LDB2: variants seen among roughly 807,000 people sequenced by gnomAD.
LDB2 encodes LIM domain-binding protein 2.
LDB2 carries 12 observed loss-of-function variants against 44.3 expected under a neutral mutation model. That is an observed-to-expected ratio of 0.27 (90% CI 0.17 to 0.44). LDB2 has a LOEUF of 0.44. Ranked by LOEUF, LDB2 falls within the 20% of genes least tolerant of loss-of-function variation. The pLI, the probability that LDB2 is intolerant of heterozygous loss-of-function variation, is 1.00. For synonymous variants in LDB2, 164 were observed against 174.8 expected (o/e 0.94, Z 0.49); for missense variants, 344 against 473.5 (o/e 0.73, Z 2.54).
intron 1 of LDB2, among the ~76,000 whole-genome samples, chr4:16,879,471 A>G (rs1222174181): frequency 6.6e-6 from 1 of 152,188 alleles, no homozygotes; most frequent in East Asian, 1.9e-4. Context: ...GGTGGGCACC[A>G]TTCAATCTAT....
chr4:16,574,334 T>C (rs1009564974), intron 5 of LDB2, among the ~76,000 whole-genome samples: 1 of 152,308 alleles, frequency 6.6e-6, no homozygotes. Flanking sequence ...TGATTATACA[T>C]ATGTGATAAC....
In LDB2 at chr4:16,595,822, C is replaced by T. The variant is rs956785572; in HGVS notation, c.289G>A (p.Val97Met). The T allele has an allele frequency of 3.1e-6, 5 of 1,613,454 alleles. No individual in the cohort carries two copies. The highest frequency in any genetic ancestry group is 1.3e-5 in the African/African-American group (1 of 74,810). Residue 97 changes from valine (V) to methionine (M), a missense_variant, in exon 3 of 8, where the codon GTG becomes ATG. Physicochemically the swap from Val to Met is conservative, Grantham distance 21. This residue lies in a region of LDB2 where 226 missense variants were observed against 270.1 expected (regional missense o/e 0.84). Coordinates refer to ENST00000304523, the MANE Select transcript of LDB2 (RefSeq NM_001290.5). ...TTGAGAATGTAATACAGGTCGGTCA[C>T]CCCTCCTTCAAACACAGTGCTAAAG... is the stretch of plus-strand genomic sequence containing the variant. Reference protein sequence around the residue: ...RYFSTVFEGGVTDLYYILKHS... With the variant: ...RYFSTVFEGGMTDLYYILKHS...
intron 2 of LDB2, among the ~76,000 whole-genome samples, chr4:16,657,139 C>T (rs1740101421): frequency 6.6e-6 from 1 of 152,062 alleles, no homozygotes; most frequent in Non-Finnish European, 1.5e-5. Context: ...ATATTTTCAG[C>T]AAAAACAGTA....
chr4:16,705,113 C>G (rs1390819267), intron 2 of LDB2, among the ~76,000 whole-genome samples: 1 of 151,190 alleles, frequency 6.6e-6, no homozygotes, highest in Admixed American at 6.6e-5. Context: ...ATACATAATC[C>G]TTTCATAGTT....
At chr4:16,551,123 G>T (rs1400845755) in intron 5 of LDB2, among the ~76,000 whole-genome samples, 4 of 152,150 alleles carry the variant, frequency 2.6e-5, no homozygotes, top group Non-Finnish European at 5.9e-5. Flanking sequence ...GCAAGTAATG[G>T]TAATTATAAG....
At chr4:16,784,515 T>C (rs207698) in intron 1 of LDB2, among the ~76,000 whole-genome samples, 116,536 of 152,014 alleles carry the variant, frequency 0.77, 47,153 homozygotes, top group South Asian at 0.92. Context: ...CAGATATTTT[T>C]CCTCTTCCCC....
chr4:16,878,881 T>C (rs966005905), intron 1 of LDB2, among the ~76,000 whole-genome samples: 36 of 152,240 alleles, frequency 2.4e-4, no homozygotes, highest in African/African-American at 8.7e-4. Flanking sequence ...CTAACCACTA[T>C]TGCCACCAAT....
At chr4:16,888,743 C>G in intron 1 of LDB2, 1 of 980,208 alleles carries the variant, frequency 1.0e-6, no homozygotes, top group Non-Finnish European at 1.2e-6. Flanking sequence ...CATCATAGTT[C>G]CCAATGATGT....
intron 2 of LDB2, among the ~76,000 whole-genome samples, chr4:16,598,724 AT>A (rs1241681037): frequency 6.6e-6 from 1 of 152,122 alleles, no homozygotes; most frequent in Non-Finnish European, 1.5e-5. Flanking sequence ...TCATGGAAAT[AT>A]AGGAGCCTGA....
chr4:16,612,616 A>G (rs904252435), intron 2 of LDB2, among the ~76,000 whole-genome samples: 2 of 152,200 alleles, frequency 1.3e-5, no homozygotes, highest in Non-Finnish European at 2.9e-5. Flanking sequence ...AAATTGATAA[A>G]TTCCTGGATG....
At chr4:16,696,448 G>C (rs1042532854) in intron 2 of LDB2, among the ~76,000 whole-genome samples, 2 of 152,000 alleles carry the variant, frequency 1.3e-5, no homozygotes, top group Non-Finnish European at 2.9e-5. Flanking sequence ...TTTTTCAAAG[G>C]AGTTAGTATA....
intron 1 of LDB2, among the ~76,000 whole-genome samples, chr4:16,790,215 G>A (rs1421687328): frequency 6.6e-6 from 1 of 152,192 alleles, no homozygotes; most frequent in Non-Finnish European, 1.5e-5. Context: ...GAGACTCCAA[G>A]AGGCTGATGA....
chr4:16,777,360 G>T, intron 1 of LDB2, among the ~76,000 whole-genome samples: 1 of 152,030 alleles, frequency 6.6e-6, no homozygotes, highest in Admixed American at 6.5e-5. Context: ...GAGAGGATTT[G>T]GTCAGCCGAC....
intron 5 of LDB2, among the ~76,000 whole-genome samples, chr4:16,528,958 A>C (rs190242357): frequency 1.3e-5 from 2 of 152,206 alleles, no homozygotes; most frequent in African/African-American, 2.4e-5. Context: ...CACACATTTC[A>C]ATCTTCAACC....
intron 1 of LDB2, among the ~76,000 whole-genome samples, chr4:16,896,650 TG>T (rs1168548131): frequency 2.0e-5 from 3 of 151,376 alleles, no homozygotes; most frequent in Non-Finnish European, 4.4e-5. Flanking sequence ...TAATGGTCCC[TG>T]GCCTCTTTTT....
intron 1 of LDB2, among the ~76,000 whole-genome samples, chr4:16,834,919 C>G (rs1784657445): frequency 6.6e-6 from 1 of 151,756 alleles, no homozygotes; most frequent in African/African-American, 2.4e-5. Flanking sequence ...GTAATTGGCA[C>G]ATGGAATTAT....
chr4:16,848,508 T>G (rs1490728851), intron 1 of LDB2, among the ~76,000 whole-genome samples: 1 of 152,174 alleles, frequency 6.6e-6, no homozygotes, highest in African/African-American at 2.4e-5. Context: ...AGAGTCTAGT[T>G]AGCATGTGGA....
chr4:16,856,841 A>G (rs1444488072), intron 1 of LDB2, among the ~76,000 whole-genome samples: 1 of 152,222 alleles, frequency 6.6e-6, no homozygotes. Flanking sequence ...TCACTTGTCC[A>G]AAGTTATACA....
intron 2 of LDB2, among the ~76,000 whole-genome samples, chr4:16,690,076 T>C (rs1329074322): frequency 6.6e-6 from 1 of 152,064 alleles, no homozygotes; most frequent in African/African-American, 2.4e-5. Context: ...TAAATAAAGA[T>C]GGTTGGGCTA....
Sources: allele counts gnomAD v4.1 joint callset (sites outside exome capture counted in the v4.1 genomes callset), GRCh38; gene constraint gnomAD v4.1.1; regional missense constraint gnomAD v4.1.1; transcripts MANE v1.5; gene names NCBI Gene and HGNC (gene_info 2026-07-23, HGNC 2026-07-21).